ITSN1: variants seen among roughly 807,000 people sequenced by gnomAD.
The protein encoded by ITSN1 is intersectin-1.
A neutral mutation model predicts 239.8 loss-of-function variants in ITSN1; 58 were observed. That is an observed-to-expected ratio of 0.24 (90% CI 0.20 to 0.30). The LOEUF is 0.30. Ranked by LOEUF, ITSN1 falls within the 10% of genes least tolerant of loss-of-function variation. ITSN1 has a pLI of 1.00. For synonymous variants in ITSN1, 780 were observed against 770.8 expected, an observed-to-expected ratio of 1.01 and a Z score of -0.20; for missense variants, 1,558 against 2,103.3, an observed-to-expected ratio of 0.74 and a Z score of 5.07.
At chr21:33,802,315 G>T in intron 19 of ITSN1, 115 bp from the exon 20 acceptor site, 1 of 982,880 alleles carries the variant, frequency 1.0e-6, no homozygotes, top group South Asian at 1.5e-5. Flanking sequence ...CCTCGAATTG[G>T]CTAGTTAACC....
chr21:33,867,331 T>C lies in ITSN1; in HGVS notation c.4173T>C (p.Asn1391=). ...CAAGATACCCACTGATCATTAAAAATGTAAGTACCTGTCTTGCCTTTTCAA... is the reference window on the plus strand; with the variant it reads ...CAAGATACCCACTGATCATTAAAAACGTAAGTACCTGTCTTGCCTTTTCAA... ...RVTRYPLIIK[N]ILENTPENHP... Residue 1391 remains asparagine, a splice_region_variant and synonymous_variant, in exon 33 of 40, where the codon AAT becomes AAC. Transcript: ENST00000381318. 6.4e-7 allele frequency: 1 copy of C among 1,558,076 alleles called. No homozygotes were observed. The highest frequency in any genetic ancestry group is 8.9e-7 in the Non-Finnish European group (1 of 1,128,922).
At position 33,774,979 on chromosome 21, in the gene ITSN1, G is replaced by A. The variant is rs771691267; in HGVS notation, c.1467G>A (p.Lys489=). The A allele has an allele frequency of 1.9e-6, 3 of 1,611,624 alleles. No individual in the cohort carries two copies. The highest frequency in any genetic ancestry group is 2.2e-5 in the East Asian group (1 of 44,856). Residue 489 remains lysine, a synonymous_variant, in exon 14 of 40, where the codon AAG becomes AAA. Coordinates refer to ENST00000381318, the MANE Select transcript of ITSN1 (RefSeq NM_003024.3). ...TTCATTTGTTCAAGAATGATAAAAA[G>A]CATCAACTAGAAGGGAAACTTCAAG... is the stretch of plus-strand genomic sequence containing the variant. ...EFELEALNDK[K]HQLEGKLQDI...
intron 33 of ITSN1, among the ~76,000 whole-genome samples, chr21:33,871,097 C>T (rs1007089003): frequency 3.8e-4 from 58 of 151,960 alleles, no homozygotes; most frequent in African/African-American, 1.4e-3. Context: ...CACCACAGCA[C>T]TCCAGCCTGG....
intron 1 of ITSN1, among the ~76,000 whole-genome samples, chr21:33,711,842 CAT>C (rs2092427829): frequency 6.6e-6 from 1 of 152,138 alleles, no homozygotes; most frequent in Non-Finnish European, 1.5e-5. Flanking sequence ...TTACAGTTGT[CAT>C]ATGTGTTATA....
At chr21:33,786,085 A>G (rs764269030) in intron 16 of ITSN1, among the ~76,000 whole-genome samples, 1 of 152,222 alleles carries the variant, frequency 6.6e-6, no homozygotes. Context: ...CAGCCTTTGT[A>G]CTTATGCTGC....
chr21:33,685,194 A>G (rs2091179121), intron 1 of ITSN1, among the ~76,000 whole-genome samples: 1 of 152,214 alleles, frequency 6.6e-6, no homozygotes, highest in Admixed American at 6.5e-5. Flanking sequence ...AACTTTAAGG[A>G]GACAGTGTCT....
At chr21:33,748,656 A>G (rs2067335565) in intron 5 of ITSN1, among the ~76,000 whole-genome samples, 1 of 151,494 alleles carries the variant, frequency 6.6e-6, no homozygotes, top group African/African-American at 2.4e-5. Flanking sequence ...CTCAGGCAAC[A>G]TAGTAAGACC....
chr21:33,731,531 C>G (rs954977448), intron 4 of ITSN1, among the ~76,000 whole-genome samples: 12 of 152,178 alleles, frequency 7.9e-5, no homozygotes, highest in Admixed American at 7.2e-4. Context: ...CAACCAGAAG[C>G]CAGTTTCATT....
chr21:33,778,739 C>T lies in ITSN1; in HGVS notation c.1597-2722C>T, dbSNP rs369083759. Among the ~76,000 whole-genome samples, 791 of 146,086 alleles carry T rather than the reference C, an allele frequency of 5.4e-3. 9 individuals are homozygous for T. The highest frequency in any genetic ancestry group is 0.051 in the East Asian group (262 of 5,140). ...GACTACAGGCGCCCGCCACTACGCC[C>T]GGCTAATTTTTTGTATTTTTAGTAG... is the stretch of plus-strand genomic sequence containing the variant. On this transcript the variant is annotated intron_variant, in intron 14 of 39. Coordinates refer to ENST00000381318, the MANE Select transcript of ITSN1 (RefSeq NM_003024.3).
intron 30 of ITSN1, among the ~76,000 whole-genome samples, 165 bp downstream of exon 30, chr21:33,857,022 C>T (rs1238377253): frequency 6.6e-6 from 1 of 152,186 alleles, no homozygotes; most frequent in Non-Finnish European, 1.5e-5. Context: ...ACCGCAGAGA[C>T]GGTTCGTTGC....
At chr21:33,837,714 T>C (rs1215262416) in intron 29 of ITSN1, 11 of 985,800 alleles carry the variant, frequency 1.1e-5, no homozygotes, top group Non-Finnish European at 1.3e-5. Flanking sequence ...TGTACGATGC[T>C]CTAATCATAT....
intron 33 of ITSN1, among the ~76,000 whole-genome samples, chr21:33,869,496 G>A (rs925301962): frequency 6.6e-6 from 1 of 152,234 alleles, no homozygotes; most frequent in Non-Finnish European, 1.5e-5. Context: ...TGAGATTTGG[G>A]TGGAGGCGCA....
intron 1 of ITSN1, among the ~76,000 whole-genome samples, chr21:33,668,619 A>G (rs190897675): frequency 6.6e-5 from 10 of 152,324 alleles, no homozygotes; most frequent in Non-Finnish European, 1.3e-4. Flanking sequence ...GAGTGGCTCC[A>G]TTGGTGTTAA....
intron 7 of ITSN1, among the ~76,000 whole-genome samples, chr21:33,753,244 C>T (rs778596799): frequency 2.6e-5 from 4 of 152,108 alleles, no homozygotes; most frequent in Non-Finnish European, 4.4e-5. Flanking sequence ...CATTTAATTG[C>T]GGTTTTACCC....
chr21:33,700,033 A>T (rs1200590608), intron 1 of ITSN1, among the ~76,000 whole-genome samples: 2 of 150,922 alleles, frequency 1.3e-5, no homozygotes, highest in Admixed American at 6.6e-5. Flanking sequence ...AAGTGCTAGG[A>T]GTATCGGTGT....
intron 1 of ITSN1, among the ~76,000 whole-genome samples, chr21:33,696,369 A>C (rs1454491608): frequency 6.6e-6 from 1 of 151,974 alleles, no homozygotes; most frequent in African/African-American, 2.4e-5. Context: ...TTTTCCACCA[A>C]CTCTAACTGG....
intron 22 of ITSN1, chr21:33,817,394 C>G: frequency 7.7e-7 from 1 of 1,304,444 alleles, no homozygotes; most frequent in Non-Finnish European, 1.0e-6. Flanking sequence ...CAAAGTCCTT[C>G]TCATCCTTCA....
chr21:33,848,106 C>T (rs1429387230), intron 29 of ITSN1, among the ~76,000 whole-genome samples: 1 of 152,274 alleles, frequency 6.6e-6, no homozygotes, highest in East Asian at 1.9e-4. Flanking sequence ...CAGCCAGCGC[C>T]TCCTCGACTG....
At chr21:33,718,541 C>T (rs2065299281) in intron 1 of ITSN1, among the ~76,000 whole-genome samples, 1 of 152,072 alleles carries the variant, frequency 6.6e-6, no homozygotes, top group Non-Finnish European at 1.5e-5. Context: ...AATACTGTGC[C>T]ATTTTATATC....
Sources: gnomAD v4.1 joint callset for allele counts (sites outside exome capture counted in the v4.1 genomes callset) on GRCh38, gnomAD v4.1.1 for gene constraint, MANE v1.5 for transcripts, NCBI Gene and HGNC (gene_info 2026-07-23, HGNC 2026-07-21) for gene names.